MAGI2: variants seen among roughly 807,000 people sequenced by gnomAD.
MAGI2 encodes the protein membrane associated guanylate kinase, WW and PDZ domain containing 2.
Under a neutral mutation model 133.3 loss-of-function variants are expected in MAGI2, and 35 were observed. The observed-to-expected ratio is 0.26, with a 90% confidence interval of 0.20 to 0.35. The LOEUF is 0.35. MAGI2 is among the 10% of genes least tolerant of loss of function. MAGI2 has a pLI of 1.00. For synonymous variants in MAGI2, 729 were observed against 710.6 expected (o/e 1.03, Z -0.41); for missense variants, 1,636 against 1,863.4 (o/e 0.88, Z 2.25).
intron 1 of MAGI2, among the ~76,000 whole-genome samples, chr7:79,186,637 T>C (rs1172241767): frequency 7.7e-6 from 1 of 130,184 alleles, no homozygotes; most frequent in Non-Finnish European, 1.5e-5. Flanking sequence ...TACTTTCGTA[T>C]AAGTGCATAT....
intron 16 of MAGI2, chr7:78,159,766 T>A (rs1030291536): frequency 4.5e-5 from 14 of 309,466 alleles, no homozygotes; most frequent in Admixed American, 2.0e-4. Flanking sequence ...TCTTCCTAAT[T>A]TACAAATGAA....
intron 1 of MAGI2, chr7:79,343,462 G>T (rs2129102491): frequency 6.6e-6 from 1 of 151,848 alleles, no homozygotes; most frequent in Admixed American, 6.6e-5. Flanking sequence ...TTGACACTTT[G>T]CATCTAAGTG....
At chr7:79,397,134 TCAC>T (rs1348786700) in intron 1 of MAGI2, among the ~76,000 whole-genome samples, 1 of 150,202 alleles carries the variant, frequency 6.7e-6, no homozygotes, top group Non-Finnish European at 1.5e-5. Flanking sequence ...TCCATAGGAT[TCAC>T]CGATTCACTT....
At chr7:79,095,403 C>T (rs1383972136) in intron 1 of MAGI2, among the ~76,000 whole-genome samples, 3 of 152,192 alleles carry the variant, frequency 2.0e-5, no homozygotes, top group African/African-American at 7.2e-5. Flanking sequence ...CCTTTGCATC[C>T]ACAACTTGGC....
chr7:78,915,227 T>G (rs1798698308), intron 2 of MAGI2, among the ~76,000 whole-genome samples: 1 of 152,202 alleles, frequency 6.6e-6, no homozygotes, highest in Middle Eastern at 3.4e-3. Context: ...TTAATCACAG[T>G]CATTAAAGAA....
At chr7:78,191,909 G>A (rs937873289) in intron 12 of MAGI2, among the ~76,000 whole-genome samples, 1 of 152,108 alleles carries the variant, frequency 6.6e-6, no homozygotes, top group African/African-American at 2.4e-5. Flanking sequence ...AATGAGGCAC[G>A]GCAGCATTTA....
intron 1 of MAGI2, among the ~76,000 whole-genome samples, chr7:79,102,210 A>G (rs1207668492): frequency 2.0e-5 from 3 of 152,130 alleles, no homozygotes. Flanking sequence ...GGTGGTTTGC[A>G]CGTATGCCCC....
intron 1 of MAGI2, among the ~76,000 whole-genome samples, chr7:79,044,459 A>T (rs1231916020): frequency 6.6e-6 from 1 of 152,174 alleles, no homozygotes; most frequent in Non-Finnish European, 1.5e-5. Context: ...ATCCATAAAA[A>T]ACCACAGCCA....
intron 21 of MAGI2, chr7:78,078,143 T>G (rs189552876): frequency 1.3e-5 from 2 of 152,256 alleles, no homozygotes; most frequent in East Asian, 3.9e-4. Context: ...TTTCCTAATC[T>G]GAACAGGTAT....
intron 1 of MAGI2, among the ~76,000 whole-genome samples, chr7:79,043,275 T>C (rs1562824513): frequency 6.6e-6 from 1 of 151,952 alleles, no homozygotes; most frequent in Non-Finnish European, 1.5e-5. Flanking sequence ...TCGGGTGCAG[T>C]GGCTCACGCC....
chr7:79,356,701 C>T (rs539358413), intron 1 of MAGI2, among the ~76,000 whole-genome samples: 7 of 152,130 alleles, frequency 4.6e-5, no homozygotes, highest in Admixed American at 3.9e-4. Flanking sequence ...GAAACACAGT[C>T]GAAGTAGATC....
At chr7:78,402,262 CGTGTGTGTCCACCTGGGATGTGTATGT>C (rs1431215915) in intron 6 of MAGI2, among the ~76,000 whole-genome samples, 2 of 143,112 alleles carry the variant, frequency 1.4e-5, no homozygotes, top group African/African-American at 2.6e-5. Context: ...GGGGTGTGTG[CGTGTGTGTCCACCTGGGATGTGTATGT>C]GTGTGTGTCC....
intron 1 of MAGI2, among the ~76,000 whole-genome samples, chr7:79,033,932 A>C (rs1810869391): frequency 6.6e-6 from 1 of 151,770 alleles, no homozygotes; most frequent in South Asian, 2.1e-4. Context: ...ACCAACGAAA[A>C]CTACTAGGAA....
chr7:78,307,937 T>C, intron 9 of MAGI2, among the ~76,000 whole-genome samples: 1 of 152,112 alleles, frequency 6.6e-6, no homozygotes, highest in East Asian at 1.9e-4. Flanking sequence ...TAGAGGCAGC[T>C]AGGTGAAATA....
chr7:79,234,433 A>C (rs1585278429), intron 1 of MAGI2, among the ~76,000 whole-genome samples: 2 of 151,756 alleles, frequency 1.3e-5, no homozygotes, highest in South Asian at 2.1e-4. Context: ...CAGGTACACC[A>C]ATCAGACGTA....
chr7:79,265,353 T>A (rs1834370243), intron 1 of MAGI2, among the ~76,000 whole-genome samples: 1 of 152,196 alleles, frequency 6.6e-6, no homozygotes. Context: ...TATACTGCAC[T>A]ACCTCTTCCC....
intron 1 of MAGI2, among the ~76,000 whole-genome samples, chr7:79,361,458 C>T (rs901443652): frequency 7.9e-5 from 12 of 152,266 alleles, no homozygotes; most frequent in Middle Eastern, 3.4e-3. Context: ...GCCCAAATAT[C>T]GTATTTTCCA....
chr7:78,465,365 T>C (rs565728467), intron 6 of MAGI2, among the ~76,000 whole-genome samples: 24 of 152,278 alleles, frequency 1.6e-4, no homozygotes, highest in African/African-American at 4.8e-4. Context: ...TAGAGGACTT[T>C]TGGCATGTTC....
At chr7:79,069,555 C>T (rs1054958438) in intron 1 of MAGI2, among the ~76,000 whole-genome samples, 7 of 151,890 alleles carry the variant, frequency 4.6e-5, no homozygotes, top group Admixed American at 2.6e-4. Flanking sequence ...ATCCAATTTG[C>T]CTGTCTGTGT....
Sources: allele counts gnomAD v4.1 joint callset (sites outside exome capture counted in the v4.1 genomes callset), GRCh38; gene constraint gnomAD v4.1.1; transcripts MANE v1.5; gene names NCBI Gene and HGNC (gene_info 2026-07-23, HGNC 2026-07-21).